TTLL8: variants seen among roughly 807,000 people sequenced by gnomAD.
The protein encoded by TTLL8 is tubulin tyrosine ligase like 8.
Under a neutral mutation model 77.8 loss-of-function variants are expected in TTLL8, and 65 were observed. That is an observed-to-expected ratio of 0.84 (90% CI 0.68 to 1.03). The LOEUF is 1.03. TTLL8 is among the 50% of genes least tolerant of loss of function. The pLI, the probability that TTLL8 is intolerant of heterozygous loss-of-function variation, is 0.00. For missense variants in TTLL8, 910 were observed against 1,004.5 expected (o/e 0.91, Z 1.27); for synonymous variants, 402 against 422.8 (o/e 0.95, Z 0.60).
chr22:50,030,511 G>A, exon 12 of TTLL8: 2 of 1,340,510 alleles, frequency 1.5e-6, no homozygotes, highest in Non-Finnish European at 2.0e-6. Context: ...TGCGCATTTA[G>A]CTGGTTTGGA....
intron 1 of TTLL8, among the ~76,000 whole-genome samples, chr22:50,050,601 G>A (rs1015752168): frequency 1.3e-5 from 2 of 152,136 alleles, no homozygotes; most frequent in East Asian, 1.9e-4. Context: ...AGGAGAGAAA[G>A]AGCAAAAAGT....
intron 12 of TTLL8, among the ~76,000 whole-genome samples, chr22:50,029,168 A>AC (rs199821869): frequency 4.8e-5 from 1 of 20,724 alleles, no homozygotes; most frequent in Non-Finnish European, 9.7e-5. Flanking sequence ...CCTCGTAAAG[A>AC]CCCCATCACA....
intron 1 of TTLL8, among the ~76,000 whole-genome samples, chr22:50,050,611 T>C (rs1024509587): frequency 6.6e-6 from 1 of 151,912 alleles, no homozygotes; most frequent in Admixed American, 6.6e-5. Flanking sequence ...GAGCAAAAAG[T>C]TGGGGGAAAA....
At chr22:50,028,625 CCCACATACCCTCGTAAAGACCCCAT>C (rs1239829049) in intron 12 of TTLL8, among the ~76,000 whole-genome samples, 5 of 121,856 alleles carry the variant, frequency 4.1e-5, no homozygotes, top group Admixed American at 8.2e-5. Context: ...CCTGAAGACC[CCCACATACCCTCGTAAAGACCCCAT>C]CACACCATCC....
chr22:50,040,511 G>C (rs1276607876), intron 8 of TTLL8, among the ~76,000 whole-genome samples: 1 of 152,220 alleles, frequency 6.6e-6, no homozygotes, highest in Non-Finnish European at 1.5e-5. Context: ...TGACCCCTGT[G>C]GGGGTTCTCC....
chr22:50,038,587 G>A (rs1166351936), intron 8 of TTLL8, among the ~76,000 whole-genome samples: 1 of 152,172 alleles, frequency 6.6e-6, no homozygotes. Context: ...CAAAGCAGGA[G>A]GACTGCTTGA....
intron 12 of TTLL8, chr22:50,027,660 G>A (rs1455852379): frequency 6.1e-6 from 6 of 985,286 alleles, no homozygotes; most frequent in Non-Finnish European, 7.2e-6. Context: ...CGCACTTCCT[G>A]TCCTGCTGGC....
intron 6 of TTLL8, among the ~76,000 whole-genome samples, chr22:50,042,219 A>T (rs1374490379): frequency 6.6e-6 from 1 of 152,260 alleles, no homozygotes; most frequent in Non-Finnish European, 1.5e-5. Context: ...CAAGCCACAG[A>T]CTGGGAGGAG....
At chr22:50,031,512 C>T in intron 11 of TTLL8, 174 bp downstream of exon 12, 1 of 978,964 alleles carries the variant, frequency 1.0e-6, no homozygotes, top group Non-Finnish European at 1.2e-6. Flanking sequence ...CATGGGAGAG[C>T]AGGGCAGGCC....
intron 1 of TTLL8, among the ~76,000 whole-genome samples, chr22:50,053,568 G>C (rs73183351): frequency 2.6e-5 from 4 of 152,100 alleles, no homozygotes; most frequent in Non-Finnish European, 5.9e-5. Context: ...AAACATTTAT[G>C]TTTATAAATG....
intron 2 of TTLL8, 196 bp downstream of exon 4, chr22:50,049,913 G>C (rs2061434486): frequency 2.8e-6 from 1 of 359,772 alleles, no homozygotes; most frequent in African/African-American, 2.2e-5. Context: ...GCAGGGCTGG[G>C]GGCTTGAAAG....
intron 12 of TTLL8, among the ~76,000 whole-genome samples, chr22:50,023,665 C>T (rs1357755743): frequency 2.0e-5 from 3 of 151,060 alleles, no homozygotes; most frequent in Non-Finnish European, 4.4e-5. Flanking sequence ...AGCCTGGCAA[C>T]AAAGCGAGAC....
At chr22:50,051,153 C>T (rs1345060164) in intron 1 of TTLL8, among the ~76,000 whole-genome samples, 2 of 152,242 alleles carry the variant, frequency 1.3e-5, no homozygotes, top group East Asian at 1.9e-4. Flanking sequence ...TGAGCCACCG[C>T]GCCCAGCCCC....
At chr22:50,031,650 C>A in intron 11 of TTLL8, 36 bp downstream of exon 12, 4 of 1,226,842 alleles carry the variant, frequency 3.3e-6, no homozygotes, top group South Asian at 1.4e-5. Flanking sequence ...ACATGGCGGG[C>A]GGCCACCAAA....
intron 12 of TTLL8, among the ~76,000 whole-genome samples, chr22:50,027,966 A>C (rs2061241661): frequency 6.6e-6 from 1 of 150,840 alleles, no homozygotes; most frequent in Non-Finnish European, 1.5e-5. Context: ...GCCAGCACCC[A>C]CAAGTGAGAG....
intron 5 of TTLL8, 49 bp from the exon 8 acceptor site, chr22:50,045,438 G>A (rs2061403360): frequency 7.4e-7 from 1 of 1,349,808 alleles, no homozygotes; most frequent in African/African-American, 1.5e-5. Context: ...CAGGACTGGG[G>A]ACTGGAGATG....
exon 12 of TTLL8, chr22:50,030,456 G>T (rs764368193): frequency 5.2e-6 from 7 of 1,336,816 alleles, no homozygotes; most frequent in Non-Finnish European, 6.9e-6. Flanking sequence ...CGGACGCAGC[G>T]CGCCCTCTGC....
In TTLL8 at chr22:50,046,266, G is replaced by A. The variant is rs935720236; in HGVS notation, c.394-296C>T. On this transcript the variant is annotated intron_variant, in intron 4 of 13. Coordinates refer to ENST00000266182, the Ensembl canonical transcript of TTLL8. ...GCTGCAGCTGAGGGCACCGAGGGCGGTGGGCACTGGGGCTCCCTCCAGGCC... is the reference window on the plus strand; with the variant it reads ...GCTGCAGCTGAGGGCACCGAGGGCGATGGGCACTGGGGCTCCCTCCAGGCC... 9.8e-5 allele frequency among the ~76,000 whole-genome samples: 15 copies of A among 152,288 alleles called. No homozygotes were observed. The East Asian group carries it at 1.2e-3, about 12-fold the overall frequency.
chr22:50,037,339 C>G (rs547225248), intron 8 of TTLL8, among the ~76,000 whole-genome samples: 1 of 152,096 alleles, frequency 6.6e-6, no homozygotes, highest in South Asian at 2.1e-4. Context: ...TCCTGAGTAG[C>G]TGGGACTACA....
Sources: gnomAD v4.1 joint callset for allele counts (sites outside exome capture counted in the v4.1 genomes callset) on GRCh38, gnomAD v4.1.1 for gene constraint, MANE v1.5 for transcripts, NCBI Gene and HGNC (gene_info 2026-07-23, HGNC 2026-07-21) for gene names.